The following CPSF2 variants were observed in gnomAD, a reference collection of about 807,000 sequenced individuals.
CPSF2 encodes the protein cleavage and polyadenylation specificity factor subunit 2.
A neutral mutation model predicts 84.2 loss-of-function variants in CPSF2; 51 were observed. The observed-to-expected ratio is 0.61, with a 90% CI of 0.48 to 0.77. The LOEUF (loss-of-function observed/expected upper bound fraction) is 0.77. CPSF2 is among the 30% of genes least tolerant of loss of function. The probability of loss-of-function intolerance (pLI) is 0.00; values close to 1 mark genes in which losing one functional copy is unlikely to be tolerated. For synonymous variants in CPSF2, 286 were observed against 311.9 expected (o/e 0.92, Z 0.87); for missense variants, 641 against 929.4 (o/e 0.69, Z 4.03).
intron 2 of CPSF2, among the ~76,000 whole-genome samples, chr14:92,129,738 A>T (rs1465242599): frequency 6.6e-6 from 1 of 152,148 alleles, no homozygotes; most frequent in African/African-American, 2.4e-5. Flanking sequence ...TATTTTTTAG[A>T]TACAAAGTCT....
rs2069422200 is a variant in CPSF2, at chr14:92,164,809, TA to T, written c.*3068del. 6.6e-6 allele frequency: 1 copy of T among 152,230 alleles called. No homozygotes were observed. The highest frequency in any genetic ancestry group is 2.4e-5 in the African/African-American group (1 of 41,458). 9.4% of individuals were successfully genotyped at this position (152,230 alleles called of 1,614,324 possible). On this transcript the variant is annotated 3_prime_UTR_variant, in exon 16 of 16. Transcript: ENST00000298875. Reference sequence around the variant, plus strand: ...TTACATACCATAAAGTTCACTCTTCTAAAGTGTACAATTCATTGGTGTTAGT... The same window carrying T: ...TTACATACCATAAAGTTCACTCTTCTAAGTGTACAATTCATTGGTGTTAGT...
intron 9 of CPSF2, among the ~76,000 whole-genome samples, chr14:92,148,753 T>C (rs2069173972): frequency 6.9e-6 from 1 of 144,740 alleles, no homozygotes; most frequent in South Asian, 2.1e-4. Context: ...GCCTGGGCGA[T>C]ATAGCAAGGC....
At chr14:92,161,348 A>G in intron 15 of CPSF2, 102 bp downstream of exon 15, 1 of 1,353,504 alleles carries the variant, frequency 7.4e-7, no homozygotes, top group Non-Finnish European at 1.0e-6. Flanking sequence ...AAAACTGAAG[A>G]TCAGTAATTT....
At chr14:92,151,358 A>G (rs543663266) in intron 9 of CPSF2, among the ~76,000 whole-genome samples, 1 of 152,108 alleles carries the variant, frequency 6.6e-6, no homozygotes, top group African/African-American at 2.4e-5. Flanking sequence ...ATGCCACTGC[A>G]CTCATCGTAG....
At chr14:92,139,688 G>A (rs1481354442) in intron 7 of CPSF2, among the ~76,000 whole-genome samples, 5 of 150,894 alleles carry the variant, frequency 3.3e-5, no homozygotes, top group South Asian at 2.1e-4. Flanking sequence ...ACAGGCATGC[G>A]CCACCATGCC....
chr14:92,159,959 T>TG (rs943822543), intron 14 of CPSF2, among the ~76,000 whole-genome samples: 28 of 151,916 alleles, frequency 1.8e-4, no homozygotes, highest in Admixed American at 3.3e-4. Flanking sequence ...TACTGTTTTT[T>TG]TTTTGTTTTG....
In CPSF2 at chr14:92,165,854, C is replaced by CTTTTGTTTTTTTTTTTTTTTTTTTTTTT. The variant is rs2069438135; in HGVS notation, c.*4114_*4115insGTTTTTTTTTTTTTTTTTTTTTTTTTTT. The CTTTTGTTTTTTTTTTTTTTTTTTTTTTT allele has an allele frequency of 4.0e-5, 2 of 50,622 alleles. No homozygotes were observed. The highest frequency in any genetic ancestry group is 3.1e-4 in the Admixed American group (1 of 3,210). 3.1% of individuals were successfully genotyped at this position (50,622 alleles called of 1,614,324 possible). A position where few individuals can be genotyped will look rare whatever the true frequency, so the allele number is the denominator to read the frequency against. ...CAGTTCTTTGTGCTTGGTTTTATAT[C>CTTTTGTTTTTTTTTTTTTTTTTTTTTTT]TTTTTTTTTTTTTTTTTTTTTTTTT... is the stretch of plus-strand genomic sequence containing the variant. On this transcript the variant is annotated 3_prime_UTR_variant, in exon 16 of 16. Transcript: ENST00000298875.
chr14:92,146,054 TA>T (rs979179588), intron 9 of CPSF2, among the ~76,000 whole-genome samples: 4 of 152,188 alleles, frequency 2.6e-5, no homozygotes, highest in Admixed American at 2.0e-4. Context: ...TTTGGAAGTT[TA>T]AAAAATGTTC....
At position 92,166,958 on chromosome 14, in the gene CPSF2, T is replaced by A. The variant is rs1329353821; in HGVS notation, c.*5214T>A. ...TCCTTCAGGATTGTTTTGGCTATTC[T>A]GGGTCTCTTGCATTTTCATGTGAGT... On this transcript the variant is annotated 3_prime_UTR_variant, in exon 16 of 16. Coordinates refer to ENST00000298875, the MANE Select transcript of CPSF2 (RefSeq NM_017437.3). The A allele has an allele frequency of 6.6e-6, 1 of 152,006 alleles. No individual in the cohort carries two copies. Among genetic ancestry groups the A allele is most frequent in the Non-Finnish European group, 1.5e-5 (1 of 68,006 alleles). The allele number at this position is 152,006 out of a possible 1,614,324, so 9.4% of individuals were successfully genotyped here.
intron 7 of CPSF2, among the ~76,000 whole-genome samples, chr14:92,140,725 C>T (rs571545573): frequency 2.0e-5 from 3 of 152,132 alleles, no homozygotes; most frequent in South Asian, 4.2e-4. Context: ...AGCCACCATG[C>T]CTGGCCGCAA....
At chr14:92,123,731 C>T (rs927308697) in intron 1 of CPSF2, among the ~76,000 whole-genome samples, 2 of 152,186 alleles carry the variant, frequency 1.3e-5, no homozygotes, top group Non-Finnish European at 2.9e-5. Flanking sequence ...GGGCAAGTAA[C>T]TGTGAGATAT....
Position 92,131,018 on chromosome 14 carries a change from G to A in CPSF2, c.34G>A (p.Gly12Arg). 1.2e-6 allele frequency: 2 copies of A among 1,612,024 alleles called. No homozygotes were observed. The highest frequency in any genetic ancestry group is 1.7e-6 in the Non-Finnish European group (2 of 1,179,402). The change falls in exon 3 of 16, where the codon GGG becomes AGG. Residue 12 changes from glycine to arginine, a missense_variant. By Grantham distance (125) the Gly-to-Arg change is moderately radical (BLOSUM62 -2). Transcript: ENST00000298875. ...TSIIKLTTLS[G>R]VQEESALCYL... ...TATTATCAAATTAACTACCCTTTCT[G>A]GGGTCCAAGAAGAATCTGCCCTTTG...
chr14:92,152,002 C>G (rs2069224811), intron 9 of CPSF2, among the ~76,000 whole-genome samples: 2 of 68,152 alleles, frequency 2.9e-5, no homozygotes, highest in Admixed American at 3.4e-4. Flanking sequence ...TGGAGCAAGA[C>G]CCTGTCTCAA....
At chr14:92,125,804 C>T (rs2068838772) in intron 1 of CPSF2, among the ~76,000 whole-genome samples, 1 of 151,816 alleles carries the variant, frequency 6.6e-6, no homozygotes. Context: ...TTTTGAGTAC[C>T]TTCTCTTTGT....
intron 13 of CPSF2, among the ~76,000 whole-genome samples, chr14:92,158,665 G>A (rs2069324205): frequency 6.6e-6 from 1 of 152,198 alleles, no homozygotes; most frequent in Non-Finnish European, 1.5e-5. Context: ...GAGGGTCAGA[G>A]GGACTCAGTT....
chr14:92,134,880 A>G (rs960731477), intron 5 of CPSF2, among the ~76,000 whole-genome samples: 8 of 152,218 alleles, frequency 5.3e-5, no homozygotes, highest in Non-Finnish European at 1.2e-4. Flanking sequence ...AAATGGTGCA[A>G]TAATGGACTC....
At chr14:92,134,484 C>A in intron 5 of CPSF2, 129 bp downstream of exon 5, 1 of 630,836 alleles carries the variant, frequency 1.6e-6, no homozygotes, top group Non-Finnish European at 2.8e-6. Flanking sequence ...GCACATTCTG[C>A]CTTGATACAG....
chr14:92,143,544 TA>T (rs34949817), intron 9 of CPSF2, among the ~76,000 whole-genome samples: 12 of 151,096 alleles, frequency 7.9e-5, no homozygotes, highest in Non-Finnish European at 1.3e-4. Context: ...CCCCATCTCT[TA>T]AAAAAAAACT....
chr14:92,159,079 T>C lies in CPSF2; in HGVS notation c.1918T>C (p.Ser640Pro), dbSNP rs1567026718. 2 of 1,613,966 alleles carry C rather than the reference T, an allele frequency of 1.2e-6. No homozygotes were observed. Among genetic ancestry groups the C allele is most frequent in the Non-Finnish European group, 1.7e-6 (2 of 1,180,008 alleles). Reference protein sequence around the residue: ...WIDGVLDMRVSKVDTGVILEE... With the variant: ...WIDGVLDMRVPKVDTGVILEE... ...AGATGGTGTCTTAGATATGAGAGTTTCCAAAGTGGACACAGGGGTTATTTT... is the reference window on the plus strand; with the variant it reads ...AGATGGTGTCTTAGATATGAGAGTTCCCAAAGTGGACACAGGGGTTATTTT... Residue 640 changes from serine (S) to proline (P), a missense_variant, in exon 14 of 16, where the codon TCC (serine) becomes CCC (proline). Around this residue, in one of 2 missense-constraint regions of CPSF2, gnomAD observed 430 missense variants for 553.6 expected, o/e 0.78. Coordinates refer to ENST00000298875, the MANE Select transcript of CPSF2 (RefSeq NM_017437.3).
Sources: allele counts gnomAD v4.1 joint callset (sites outside exome capture counted in the v4.1 genomes callset), GRCh38; gene constraint gnomAD v4.1.1; regional missense constraint gnomAD v4.1.1; transcripts MANE v1.5; gene names NCBI Gene and HGNC (gene_info 2026-07-23, HGNC 2026-07-21).